The following PPP4R3B variants were observed in gnomAD, a reference collection of about 807,000 sequenced individuals.
PPP4R3B encodes the protein protein phosphatase 4 regulatory subunit 3B.
PPP4R3B carries 52 observed loss-of-function variants against 95.4 expected under a neutral mutation model. That is an observed-to-expected ratio of 0.54 (90% CI 0.44 to 0.69). The LOEUF is 0.69. PPP4R3B is among the 30% of genes least tolerant of loss of function. The pLI, the probability that PPP4R3B is intolerant of heterozygous loss-of-function variation, is 0.00. For synonymous variants in PPP4R3B, 407 were observed against 343.9 expected, an observed-to-expected ratio of 1.18 and a Z score of -2.03; for missense variants, 1,003 against 1,005.9, an observed-to-expected ratio of 1.00 and a Z score of 0.04.
chr2:55,577,500 CA>C, intron 10 of PPP4R3B, 144 bp from the exon 11 acceptor site: 1 of 872,544 alleles, frequency 1.1e-6, no homozygotes, highest in Non-Finnish European at 1.5e-6. Flanking sequence ...GTTGCTTCAG[CA>C]AAATTATAAC....
chr2:55,569,814 T>C (rs1687775886), intron 12 of PPP4R3B, among the ~76,000 whole-genome samples: 1 of 152,176 alleles, frequency 6.6e-6, no homozygotes, highest in Non-Finnish European at 1.5e-5. Context: ...CTTTGTCTTG[T>C]GTCTTTATTT....
chr2:55,599,246 TG>T (rs1250794209), intron 3 of PPP4R3B, among the ~76,000 whole-genome samples: 1 of 152,090 alleles, frequency 6.6e-6, no homozygotes, highest in African/African-American at 2.4e-5. Flanking sequence ...AAAACCAGCC[TG>T]GGCAACATGG....
chr2:55,570,133 C>T (rs1417925310), intron 12 of PPP4R3B, among the ~76,000 whole-genome samples: 1 of 152,072 alleles, frequency 6.6e-6, no homozygotes, highest in African/African-American at 2.4e-5. Context: ...GCCTGTAGTC[C>T]CAGCTACTCG....
rs1416595971 is a variant in PPP4R3B, at chr2:55,549,206, T to G, written c.*705A>C. 56 of 152,404 alleles carry G rather than the reference T, an allele frequency of 3.7e-4. No individual in the cohort carries two copies. The highest frequency in any genetic ancestry group is 3.7e-3 in the Admixed American group (56 of 15,288). 9.4% of individuals were successfully genotyped at this position (152,404 alleles called of 1,614,324 possible). On this transcript the variant is annotated 3_prime_UTR_variant, in exon 17 of 17. Coordinates refer to ENST00000616407, the MANE Select transcript of PPP4R3B (RefSeq NM_001122964.3). Reference sequence around the variant, plus strand: ...CATTTTGGAATACTACTGTACTGATTCTTGGCCTTCGTTGTCTCTAAAAGT... The same window carrying G: ...CATTTTGGAATACTACTGTACTGATGCTTGGCCTTCGTTGTCTCTAAAAGT...
At position 55,617,217 on chromosome 2, in the gene PPP4R3B, G is replaced by A. The variant is rs748901134; in HGVS notation, c.69C>T (p.Gly23=). 3.1e-6 allele frequency: 5 copies of A among 1,613,974 alleles called. No homozygotes were observed. The Admixed American group carries it at 5.0e-5, about 16-fold the overall frequency. ...CGTAAGTGGAGGAGACGTGCCCGGT[G>A]CCTCGGTCGTCCCATTGCCGGTCTT... ...LNEDRQWDDR[G]TGHVSSTYVE... The change falls in exon 1 of 17, where the codon GGC becomes GGT. Residue 23 remains glycine, a synonymous_variant. Coordinates refer to ENST00000616407, the MANE Select transcript of PPP4R3B (RefSeq NM_001122964.3).
At chr2:55,608,484 T>G (rs1318863053) in intron 2 of PPP4R3B, among the ~76,000 whole-genome samples, 1 of 152,218 alleles carries the variant, frequency 6.6e-6, no homozygotes, top group Non-Finnish European at 1.5e-5. Context: ...CTGTCAATTC[T>G]ACCTTCAATA....
rs1402191610 is a variant in PPP4R3B, at chr2:55,565,308, T to TTG, written c.1936-269_1936-268dup. Among the ~76,000 whole-genome samples, 39 of 125,392 alleles carry TTG rather than the reference T, an allele frequency of 3.1e-4. 1 individual carries two copies. The highest frequency in any genetic ancestry group is 9.0e-4 in the African/African-American group (27 of 29,946). 82.3% of individuals were successfully genotyped at this position (125,392 alleles called of 152,430 possible). ...AGATTTATTTTACATCTTCTATTTT[T>TTG]TGTATATATATATATATATATAGCA... On this transcript the variant is annotated intron_variant, in intron 13 of 16. Coordinates refer to ENST00000616407, the MANE Select transcript of PPP4R3B (RefSeq NM_001122964.3).
chr2:55,568,006 C>T, intron 13 of PPP4R3B, 188 bp downstream of exon 13: 2 of 334,776 alleles, frequency 6.0e-6, no homozygotes, highest in Non-Finnish European at 1.0e-5. Context: ...AACCATGTGG[C>T]AAATAAGAAT....
rs549493510 is a variant in PPP4R3B, at chr2:55,577,828, CAATT to C, written c.1564+415_1564+418del. On this transcript the variant is annotated intron_variant, in intron 10 of 16. Transcript: ENST00000616407. The stretch of plus-strand genomic sequence containing the variant: ...TATGCTTTAAATTAAAAAAAAAACT[CAATT>C]AAGTAGGCCATTATAAATAAGTTCC... Among the ~76,000 whole-genome samples, 91 of 151,340 alleles carry C rather than the reference CAATT, an allele frequency of 6.0e-4. No individual in the cohort carries two copies. The Middle Eastern group carries it at 0.01, about 17-fold the overall frequency.
chr2:55,579,142 A>G (rs1689096984), intron 9 of PPP4R3B, among the ~76,000 whole-genome samples: 4 of 152,262 alleles, frequency 2.6e-5, no homozygotes, highest in Admixed American at 2.0e-4. Context: ...AACTGAAAAC[A>G]GAAATTGCAG....
chr2:55,600,407 C>T (rs575302317), intron 3 of PPP4R3B, among the ~76,000 whole-genome samples: 2 of 101,350 alleles, frequency 2.0e-5, no homozygotes, highest in Non-Finnish European at 3.6e-5. Flanking sequence ...GCCTGGGCAA[C>T]GAGAGTGAAA....
Position 55,602,472 on chromosome 2 carries a change from T to C in PPP4R3B, c.297+1506A>G, listed in dbSNP as rs181988157. 3.2e-3 allele frequency among the ~76,000 whole-genome samples: 486 copies of C among 152,290 alleles called. 2 individuals are homozygous for C. Among genetic ancestry groups the C allele is most frequent in the Non-Finnish European group, 6.0e-3 (406 of 68,026 alleles). ...TGGGGGACTTCACCTATGCCAGACA[T>C]ACTATGCTAACAATGTGCTATGTGG... On this transcript the variant is annotated intron_variant, in intron 3 of 16. Coordinates refer to ENST00000616407, the MANE Select transcript of PPP4R3B (RefSeq NM_001122964.3).
chr2:55,584,729 G>C (rs1689906672), intron 7 of PPP4R3B, among the ~76,000 whole-genome samples: 1 of 151,978 alleles, frequency 6.6e-6, no homozygotes, highest in South Asian at 2.1e-4. Context: ...GTTATCCTAG[G>C]TAAGTACCTG....
chr2:55,583,971 C>T (rs551318433), intron 7 of PPP4R3B, among the ~76,000 whole-genome samples: 20 of 151,964 alleles, frequency 1.3e-4, no homozygotes, highest in Non-Finnish European at 2.2e-4. Context: ...TTTAGGAGGC[C>T]GAGATGGGTG....
chr2:55,567,960 A>C, intron 13 of PPP4R3B: 1 of 235,962 alleles, frequency 4.2e-6, no homozygotes, highest in Non-Finnish European at 8.1e-6. Context: ...TAGCGTTAAA[A>C]AATATCAGTG....
At chr2:55,583,520 T>C (rs930076465) in intron 7 of PPP4R3B, among the ~76,000 whole-genome samples, 1 of 152,218 alleles carries the variant, frequency 6.6e-6, no homozygotes, top group African/African-American at 2.4e-5. Flanking sequence ...AACAGTTTAC[T>C]AAGATCATGG....
chr2:55,605,373 T>C (rs1407603264), intron 2 of PPP4R3B, among the ~76,000 whole-genome samples: 1 of 152,134 alleles, frequency 6.6e-6, no homozygotes, highest in Admixed American at 6.5e-5. Flanking sequence ...CTAAAAATCA[T>C]CCCCAGATCC....
chr2:55,550,327 G>A (rs1363059664), intron 16 of PPP4R3B, among the ~76,000 whole-genome samples: 1 of 152,092 alleles, frequency 6.6e-6, no homozygotes, highest in Middle Eastern at 3.2e-3. Context: ...TTTGGAAGCT[G>A]GAAAGGACAT....
chr2:55,553,615 C>A (rs918922102), intron 16 of PPP4R3B, among the ~76,000 whole-genome samples: 2 of 152,146 alleles, frequency 1.3e-5, no homozygotes, highest in Non-Finnish European at 2.9e-5. Flanking sequence ...CCACCACCCC[C>A]CACACCACCC....
Sources: allele counts gnomAD v4.1 joint callset (sites outside exome capture counted in the v4.1 genomes callset), GRCh38; gene constraint gnomAD v4.1.1; transcripts MANE v1.5; gene names NCBI Gene and HGNC (gene_info 2026-07-23, HGNC 2026-07-21).